Variants in SGK3 observed in about 807,000 individuals in gnomAD.
SGK3 encodes the protein serum/glucocorticoid regulated kinase family member 3.
In SGK3, 47 loss-of-function variants were observed where a neutral mutation model predicts 68.5. The ratio of observed to expected loss-of-function variants is 0.69; its 90% confidence interval spans 0.54 to 0.87. The LOEUF (loss-of-function observed/expected upper bound fraction) is 0.87. Among genes scored for constraint, SGK3 ranks in the 40% least tolerant of loss-of-function variants. The pLI is 0.00. For synonymous variants in SGK3, 181 were observed against 189.1 expected (o/e 0.96, Z 0.35); for missense variants, 479 against 575.5 (o/e 0.83, Z 1.72).
chr8:66,847,942 A>G (rs569609531), intron 15 of SGK3, among the ~76,000 whole-genome samples: 40 of 151,210 alleles, frequency 2.6e-4, no homozygotes, highest in African/African-American at 9.7e-4. Flanking sequence ...TTTGTTTCAA[A>G]TAAGGGTAAT....
chr8:66,811,354 C>T (rs1808375861), intron 4 of SGK3, among the ~76,000 whole-genome samples: 1 of 152,114 alleles, frequency 6.6e-6, no homozygotes, highest in Non-Finnish European at 1.5e-5. Flanking sequence ...CTTTGAATTC[C>T]AGCAGATACA....
In SGK3 at chr8:66,770,625, G is replaced by A. The variant is rs2130488239; in HGVS notation, c.-121-22991G>A. ...GGGAACGTTTGTAGTCTACCTGATGGAACAGCCACTATTCCTGGCCCTCTG... is the reference window on the plus strand; with the variant it reads ...GGGAACGTTTGTAGTCTACCTGATGAAACAGCCACTATTCCTGGCCCTCTG... On this transcript the variant is annotated intron_variant, in intron 1 of 16. Coordinates refer to ENST00000521198, the MANE Select transcript of SGK3 (RefSeq NM_001033578.3). 2.0e-5 allele frequency among the ~76,000 whole-genome samples: 3 copies of A among 152,270 alleles called. No homozygotes were observed. In the South Asian group the frequency reaches 6.2e-4, roughly 32 times the overall value.
intron 8 of SGK3, among the ~76,000 whole-genome samples, chr8:66,833,581 G>T (rs930949151): frequency 6.6e-6 from 1 of 152,168 alleles, no homozygotes; most frequent in Non-Finnish European, 1.5e-5. Context: ...AGATCAATTT[G>T]GGAAGAATTA....
At chr8:66,773,955 A>G (rs1240122837) in intron 1 of SGK3, among the ~76,000 whole-genome samples, 1 of 152,200 alleles carries the variant, frequency 6.6e-6, no homozygotes, top group Non-Finnish European at 1.5e-5. Context: ...CAAACAGGAA[A>G]GTTGTAAGGG....
At chr8:66,767,341 A>G in intron 1 of SGK3, 1 of 1,021,764 alleles carries the variant, frequency 9.8e-7, no homozygotes, top group Middle Eastern at 2.1e-4. Context: ...TTTTTCTGTT[A>G]AACAAATAAT....
chr8:66,793,807 A>T lies in SGK3; in HGVS notation c.71A>T (p.His24Leu). 6.2e-7 allele frequency: 1 copy of T among 1,613,232 alleles called. No homozygotes were observed. The highest frequency in any genetic ancestry group is 8.5e-7 in the Non-Finnish European group (1 of 1,179,414). Residue 24 changes from histidine to leucine, a missense_variant, in exon 2 of 17, where the codon CAC becomes CTC. Physicochemically the swap from His to Leu is moderately conservative, Grantham distance 99 (BLOSUM62 -3). Coordinates refer to ENST00000521198, the MANE Select transcript of SGK3 (RefSeq NM_001033578.3). ...GTAAGCATTCCCAGCTCCGATGAAC[A>T]CAGAGAGAAAAAGAAGAGGTTTACT... ...PSVSIPSSDE[H>L]REKKKRFTVY...
intron 13 of SGK3, 22 bp from the exon 14 acceptor site, chr8:66,843,430 A>C: frequency 6.3e-7 from 1 of 1,597,130 alleles, no homozygotes; most frequent in Non-Finnish European, 8.5e-7. Context: ...GACTTGCTCT[A>C]ATATTTTATT....
At chr8:66,828,503 T>A (rs1809157935) in intron 6 of SGK3, 151 bp from the exon 7 acceptor site, 3 of 946,688 alleles carry the variant, frequency 3.2e-6, no homozygotes, top group South Asian at 3.3e-5. Flanking sequence ...CAAGTAAGTC[T>A]ATACCCTTAC....
rs537139753 is a variant in SGK3 at position 66,766,921 on chromosome 8, C to T, written c.-121-26695C>T. 3.1e-4 allele frequency among the ~76,000 whole-genome samples: 47 copies of T among 152,250 alleles called. No individual in the cohort carries two copies. The South Asian group carries it at 8.9e-3, about 29-fold the overall frequency. Reference sequence around the variant, plus strand: ...GGCTGGAGTGCAGTGGCGCGATCTCCGCCCACCGCAATCTCTGCCTCCCGG... The same window carrying T: ...GGCTGGAGTGCAGTGGCGCGATCTCTGCCCACCGCAATCTCTGCCTCCCGG... On this transcript the variant is annotated intron_variant, in intron 1 of 16. Coordinates refer to ENST00000521198, the MANE Select transcript of SGK3 (RefSeq NM_001033578.3).
chr8:66,853,430 T>C (rs1270924762), intron 16 of SGK3, among the ~76,000 whole-genome samples: 1 of 152,216 alleles, frequency 6.6e-6, no homozygotes, highest in Non-Finnish European at 1.5e-5. Context: ...ACTCTTTCAG[T>C]GAATAAAATG....
intron 3 of SGK3, among the ~76,000 whole-genome samples, chr8:66,801,310 A>G (rs897798925): frequency 2.0e-5 from 3 of 152,196 alleles, no homozygotes; most frequent in African/African-American, 7.2e-5. Flanking sequence ...TTCAACCTGT[A>G]TAGTTTTAGA....
chr8:66,741,324 C>T (rs1213924669), intron 1 of SGK3, among the ~76,000 whole-genome samples: 4 of 151,980 alleles, frequency 2.6e-5, no homozygotes, highest in Non-Finnish European at 5.9e-5. Context: ...CCTAGGTGGG[C>T]GGATCATTTG....
chr8:66,795,215 G>A (rs1807629031), intron 2 of SGK3, among the ~76,000 whole-genome samples: 1 of 152,152 alleles, frequency 6.6e-6, no homozygotes, highest in South Asian at 2.1e-4. Context: ...TTCTCTCAAG[G>A]TCCCAGACAA....
chr8:66,742,700 TA>T (rs1186425020), intron 1 of SGK3, among the ~76,000 whole-genome samples: 3 of 152,200 alleles, frequency 2.0e-5, no homozygotes, highest in African/African-American at 7.2e-5. Context: ...TTTATGCATA[TA>T]AAATTAATAA....
At chr8:66,751,382 A>G (rs1805814369) in intron 1 of SGK3, among the ~76,000 whole-genome samples, 1 of 152,208 alleles carries the variant, frequency 6.6e-6, no homozygotes, top group South Asian at 2.1e-4. Flanking sequence ...TAAATGAAAA[A>G]GAAAACTCAT....
At chr8:66,833,489 C>G (rs1809385093) in intron 8 of SGK3, among the ~76,000 whole-genome samples, 1 of 152,090 alleles carries the variant, frequency 6.6e-6, no homozygotes, top group African/African-American at 2.4e-5. Context: ...CTTTGCATAT[C>G]AATATAAATA....
At chr8:66,742,562 T>C (rs1195131351) in intron 1 of SGK3, among the ~76,000 whole-genome samples, 1 of 152,154 alleles carries the variant, frequency 6.6e-6, no homozygotes, top group Non-Finnish European at 1.5e-5. Flanking sequence ...AGATGAGGTC[T>C]CACTGTGTTG....
intron 5 of SGK3, among the ~76,000 whole-genome samples, chr8:66,821,760 C>T (rs1343933751): frequency 6.8e-5 from 10 of 147,548 alleles, no homozygotes; most frequent in Admixed American, 4.1e-4. Flanking sequence ...CTCCTGACCT[C>T]GTGATCCGCC....
chr8:66,822,498 T>C lies in SGK3; in HGVS notation c.417+39T>C. ...TTGCCTTTCTTAATAGAAAAAATAC[T>C]ATTCCAAAGGTGAAATTAGTGGCTT... is the stretch of plus-strand genomic sequence containing the variant. On this transcript the variant is annotated intron_variant, in intron 6 of 16. Coordinates refer to ENST00000521198, the MANE Select transcript of SGK3 (RefSeq NM_001033578.3). 1.9e-6 allele frequency: 3 copies of C among 1,588,120 alleles called. No homozygotes were observed. The East Asian group carries it at 6.7e-5, about 36-fold the overall frequency.
Sources: allele counts gnomAD v4.1 joint callset (sites outside exome capture counted in the v4.1 genomes callset), GRCh38; gene constraint gnomAD v4.1.1; transcripts MANE v1.5; gene names NCBI Gene and HGNC (gene_info 2026-07-23, HGNC 2026-07-21).